DGKB: variants seen among roughly 807,000 people sequenced by gnomAD.
DGKB encodes the protein diacylglycerol kinase beta, also known as 90 kDa diacylglycerol kinase.
Under a neutral mutation model 114.3 loss-of-function variants are expected in DGKB, and 67 were observed. The ratio of observed to expected loss-of-function variants is 0.59; its 90% CI spans 0.48 to 0.72. DGKB has a LOEUF of 0.72. Ranked by LOEUF, DGKB falls within the 30% of genes least tolerant of loss-of-function variation. The pLI is 0.00. For missense variants in DGKB, 907 were observed against 975.2 expected, an observed-to-expected ratio of 0.93 and a Z score of 0.93; for synonymous variants, 398 against 323.1, an observed-to-expected ratio of 1.23 and a Z score of -2.49.
intron 21 of DGKB, among the ~76,000 whole-genome samples, chr7:14,467,676 T>A (rs1184022597): frequency 2.0e-5 from 3 of 152,180 alleles, no homozygotes; most frequent in South Asian, 2.1e-4. Flanking sequence ...AACCATTTTT[T>A]AAAAAATAAA....
At chr7:14,162,353 G>A (rs1784025752) in intron 25 of DGKB, among the ~76,000 whole-genome samples, 4 of 152,058 alleles carry the variant, frequency 2.6e-5, no homozygotes, top group Admixed American at 6.5e-5. Flanking sequence ...ATTCAGTTTC[G>A]AACTGGATGT....
intron 3 of DGKB, among the ~76,000 whole-genome samples, chr7:14,754,751 A>G (rs572977927): frequency 1.3e-5 from 2 of 152,284 alleles, no homozygotes; most frequent in East Asian, 3.9e-4. Context: ...TATTATTTAC[A>G]CAAGAGTAGG....
intron 23 of DGKB, among the ~76,000 whole-genome samples, chr7:14,190,177 A>AAG (rs1488135170): frequency 6.6e-6 from 1 of 152,192 alleles, no homozygotes; most frequent in African/African-American, 2.4e-5. Flanking sequence ...CAAATGTAAG[A>AAG]AGAGATGATC....
chr7:14,713,268 C>T (rs975209756), intron 6 of DGKB, among the ~76,000 whole-genome samples: 1 of 151,834 alleles, frequency 6.6e-6, no homozygotes, highest in African/African-American at 2.4e-5. Flanking sequence ...TTTGCACTTG[C>T]CATTATGTGT....
intron 23 of DGKB, among the ~76,000 whole-genome samples, chr7:14,281,567 A>T (rs1354541462): frequency 6.8e-6 from 1 of 147,518 alleles, no homozygotes; most frequent in Admixed American, 6.7e-5. Flanking sequence ...CATTTTTTTC[A>T]GCACCACACC....
At chr7:14,667,073 G>A (rs1818164826) in intron 13 of DGKB, among the ~76,000 whole-genome samples, 1 of 151,972 alleles carries the variant, frequency 6.6e-6, no homozygotes, top group African/African-American at 2.4e-5. Context: ...CGTTTGTAAT[G>A]CATGCTTATA....
chr7:14,749,054 T>A (rs1227857614), intron 4 of DGKB, among the ~76,000 whole-genome samples: 1 of 152,188 alleles, frequency 6.6e-6, no homozygotes, highest in East Asian at 1.9e-4. Context: ...CTAATTTATA[T>A]CATTAACTAA....
intron 14 of DGKB, among the ~76,000 whole-genome samples, chr7:14,629,925 G>T (rs950170775): frequency 4.6e-5 from 7 of 152,036 alleles, no homozygotes; most frequent in Admixed American, 1.3e-4. Flanking sequence ...GAAAAAATGG[G>T]AGTGGCACTA....
chr7:14,608,000 T>G (rs1804841440), intron 16 of DGKB, among the ~76,000 whole-genome samples: 1 of 152,008 alleles, frequency 6.6e-6, no homozygotes, highest in Admixed American at 6.6e-5. Flanking sequence ...AAGCAAAGAA[T>G]GTAGCCTCAT....
At chr7:14,627,787 C>A (rs569878563) in intron 14 of DGKB, among the ~76,000 whole-genome samples, 1 of 151,670 alleles carries the variant, frequency 6.6e-6, no homozygotes, top group Non-Finnish European at 1.5e-5. Flanking sequence ...ACTAAAAATA[C>A]AAAAAATTAG....
chr7:14,546,086 T>G (rs947954381), intron 20 of DGKB, among the ~76,000 whole-genome samples: 1 of 152,210 alleles, frequency 6.6e-6, no homozygotes, highest in African/African-American at 2.4e-5. Flanking sequence ...TTCTAATGAT[T>G]TGTCAAATCT....
intron 2 of DGKB, among the ~76,000 whole-genome samples, chr7:14,760,993 C>A (rs1835604010): frequency 6.6e-6 from 1 of 152,130 alleles, no homozygotes. Context: ...TAGGGCTCAA[C>A]AATGACTTGG....
Position 14,736,200 on chromosome 7 carries a change from A to G in DGKB, c.169-6T>C. 7.3e-7 allele frequency: 1 copy of G among 1,373,358 alleles called. No individual in the cohort carries two copies. The highest frequency in any genetic ancestry group is 1.0e-6 in the Non-Finnish European group (1 of 1,001,846). 85.1% of individuals were successfully genotyped at this position (1,373,358 alleles called of 1,614,324 possible). On this transcript the variant is annotated splice_region_variant and splice_polypyrimidine_tract_variant and intron_variant, in intron 4 of 25. Transcript: ENST00000402815. ...AAACCTTCAAAATCTATTGTCTGGA[A>G]AAAAAAAATGTAAACATGTATTTTA...
intron 8 of DGKB, among the ~76,000 whole-genome samples, chr7:14,696,590 C>T (rs1262162516): frequency 6.9e-6 from 1 of 145,638 alleles, no homozygotes; most frequent in Non-Finnish European, 1.5e-5. Context: ...AACAAGCTGG[C>T]TTGATTGACA....
At chr7:14,449,509 A>G (rs562005948) in intron 21 of DGKB, among the ~76,000 whole-genome samples, 2 of 152,150 alleles carry the variant, frequency 1.3e-5, no homozygotes, top group African/African-American at 4.8e-5. Context: ...CAATTAATAT[A>G]CGCCATGCAG....
intron 23 of DGKB, among the ~76,000 whole-genome samples, chr7:14,302,056 C>T (rs1169235749): frequency 6.6e-6 from 1 of 151,968 alleles, no homozygotes; most frequent in Non-Finnish European, 1.5e-5. Context: ...GATGAACAAA[C>T]CAAAGCCAAA....
intron 13 of DGKB, among the ~76,000 whole-genome samples, chr7:14,649,982 C>T (rs1814065939): frequency 6.7e-6 from 1 of 149,726 alleles, no homozygotes; most frequent in Admixed American, 6.7e-5. Flanking sequence ...ACAGGAGCAC[C>T]CAGATTCATA....
chr7:14,207,368 G>C (rs1787005909), intron 23 of DGKB, among the ~76,000 whole-genome samples: 2 of 152,068 alleles, frequency 1.3e-5, no homozygotes, highest in South Asian at 4.1e-4. Context: ...GGCTTGAAGA[G>C]GGAGATAACA....
chr7:14,901,684 A>G (rs1031081266), intron 1 of DGKB, among the ~76,000 whole-genome samples: 1 of 144,624 alleles, frequency 6.9e-6, no homozygotes, highest in East Asian at 2.1e-4. Context: ...GTACCCCAAC[A>G]TTTTTAACAT....
Sources: allele counts gnomAD v4.1 joint callset (sites outside exome capture counted in the v4.1 genomes callset), GRCh38; gene constraint gnomAD v4.1.1; transcripts MANE v1.5; gene names NCBI Gene and HGNC (gene_info 2026-07-23, HGNC 2026-07-21).